Variants in GRAMD1B observed in about 807,000 individuals in gnomAD.
The protein encoded by GRAMD1B is GRAM domain containing 1B, also known as protein Aster-B.
A neutral mutation model predicts 99.7 loss-of-function variants in GRAMD1B; 37 were observed. The observed-to-expected ratio is 0.37, with a 90% CI of 0.29 to 0.49. The LOEUF (loss-of-function observed/expected upper bound fraction) is 0.49, where lower values mean the gene tolerates loss of function less well. Ranked by LOEUF, GRAMD1B falls within the 20% of genes least tolerant of loss-of-function variation. The probability of loss-of-function intolerance (pLI) is 0.98; values close to 1 mark genes in which losing one functional copy is unlikely to be tolerated. For missense variants in GRAMD1B, 888 were observed against 1,009.2 expected, an observed-to-expected ratio of 0.88 and a Z score of 1.63; for synonymous variants, 427 against 387.6, an observed-to-expected ratio of 1.10 and a Z score of -1.19.
At chr11:123,600,280 A>G (rs1269164516) in intron 7 of GRAMD1B, among the ~76,000 whole-genome samples, 188 bp from the exon 8 acceptor site, 4 of 152,326 alleles carry the variant, frequency 2.6e-5, no homozygotes, top group Non-Finnish European at 5.9e-5. Flanking sequence ...ACTTAACAGT[A>G]TCAGGTACCC....
In GRAMD1B at chr11:123,625,973, A is replaced by AGAGAGAGAGAGAGAGAGAGG. The variant is rs34697633; in HGVS notation, c.*3386_*3387insGAGAGAGAGAGGGAGAGAGA. 7.2e-6 allele frequency: 1 copy of AGAGAGAGAGAGAGAGAGAGG among 139,748 alleles called. No homozygotes were observed. Among genetic ancestry groups the AGAGAGAGAGAGAGAGAGAGG allele is most frequent in the African/African-American group, 2.6e-5 (1 of 38,420 alleles). The allele number at this position is 139,748 out of a possible 1,614,324, so 8.7% of individuals were successfully genotyped here. On this transcript the variant is annotated 3_prime_UTR_variant, in exon 20 of 20. Coordinates refer to ENST00000635736, the MANE Select transcript of GRAMD1B (RefSeq NM_001387025.1). ...GAGAGAGAGAGAGAGAGAGAGAGAGAGAGAGAGATCGAGCTTGATGTATTG... is the reference window on the plus strand; with the variant it reads ...GAGAGAGAGAGAGAGAGAGAGAGAGAGAGAGAGAGAGAGAGAGAGGGAGAGAGATCGAGCTTGATGTATTG...
chr11:123,560,372 G>A lies in GRAMD1B; in HGVS notation c.453-16995G>A, dbSNP rs530519398. ...GGCACGACCACACCAAATAACAGCA[G>A]CAGAGGGAGGTGGGGGAGAGGGAAA... On this transcript the variant is annotated intron_variant, in intron 2 of 19. Transcript: ENST00000635736. 2.2e-5 allele frequency: 26 copies of A among 1,176,564 alleles called. No homozygotes were observed. The East Asian group carries it at 1.5e-3, about 68-fold the overall frequency. 72.9% of individuals were successfully genotyped at this position (1,176,564 alleles called of 1,614,324 possible).
intron 1 of GRAMD1B, among the ~76,000 whole-genome samples, chr11:123,436,317 G>A (rs1189595019): frequency 1.3e-5 from 2 of 152,098 alleles, no homozygotes; most frequent in Non-Finnish European, 2.9e-5. Context: ...CTGATCTATA[G>A]AGAGCTGAGT....
intron 1 of GRAMD1B, among the ~76,000 whole-genome samples, chr11:123,383,623 G>A (rs562739968): frequency 7.2e-4 from 110 of 151,874 alleles, no homozygotes; most frequent in African/African-American, 2.5e-3. Context: ...CTTATACTTT[G>A]CTTCACGAAT....
At chr11:123,568,586 G>A (rs1350115933) in intron 2 of GRAMD1B, among the ~76,000 whole-genome samples, 1 of 152,208 alleles carries the variant, frequency 6.6e-6, no homozygotes, top group Non-Finnish European at 1.5e-5. Context: ...TGTCAGATCT[G>A]CAGATGGCAT....
chr11:123,548,323 T>TACAC (rs1288714416), intron 2 of GRAMD1B, among the ~76,000 whole-genome samples: 9 of 100,494 alleles, frequency 9.0e-5, no homozygotes, highest in East Asian at 3.6e-4. Flanking sequence ...TATATATATA[T>TACAC]ATACACACAC....
chr11:123,599,687 G>A (rs1201871562), intron 7 of GRAMD1B, among the ~76,000 whole-genome samples: 10 of 152,218 alleles, frequency 6.6e-5, no homozygotes, highest in Non-Finnish European at 1.2e-4. Context: ...TGGCCAGGCT[G>A]ATCTCGAACT....
intron 14 of GRAMD1B, among the ~76,000 whole-genome samples, chr11:123,611,375 A>C (rs900825055): frequency 6.6e-6 from 1 of 152,108 alleles, no homozygotes; most frequent in African/African-American, 2.4e-5. Context: ...TCAAGGCTGC[A>C]ATGAGCTATG....
intron 2 of GRAMD1B, among the ~76,000 whole-genome samples, chr11:123,521,436 C>A (rs1003555901): frequency 6.6e-6 from 1 of 152,172 alleles, no homozygotes; most frequent in African/African-American, 2.4e-5. Context: ...TGAACAATTC[C>A]TTTCTCAACC....
chr11:123,471,095 T>C (rs1295198219), intron 1 of GRAMD1B, among the ~76,000 whole-genome samples: 1 of 152,190 alleles, frequency 6.6e-6, no homozygotes, highest in Non-Finnish European at 1.5e-5. Flanking sequence ...TTCATAATAA[T>C]TGAAGCCTTG....
At position 123,608,780 on chromosome 11, in the gene GRAMD1B, C is replaced by T; in HGVS notation, c.1635C>T (p.Phe545=). The T allele has an allele frequency of 6.4e-7, 1 of 1,550,744 alleles. No individual in the cohort carries two copies. The highest frequency in any genetic ancestry group is 2.4e-5 in the East Asian group (1 of 40,922). ...LFTNSPFQRD[F]MEQRRFSDII... is the part of the protein sequence containing the mutation. Reference sequence around the variant, plus strand: ...CCAACTCGCCCTTCCAGCGGGATTTCATGGAGCAGCGGCGCTTCTCTGGTC... The same window carrying T: ...CCAACTCGCCCTTCCAGCGGGATTTTATGGAGCAGCGGCGCTTCTCTGGTC... Residue 545 remains phenylalanine (F), a synonymous_variant, in exon 12 of 20, where the codon TTC becomes TTT. Coordinates refer to ENST00000635736, the MANE Select transcript of GRAMD1B (RefSeq NM_001387025.1).
chr11:123,503,169 C>T (rs994600632), intron 2 of GRAMD1B, among the ~76,000 whole-genome samples: 1 of 152,194 alleles, frequency 6.6e-6, no homozygotes, highest in African/African-American at 2.4e-5. Context: ...CATTTGTGAA[C>T]AAGGGTACAG....
intron 1 of GRAMD1B, among the ~76,000 whole-genome samples, chr11:123,359,585 T>C (rs960623281): frequency 6.6e-6 from 1 of 152,020 alleles, no homozygotes; most frequent in African/African-American, 2.4e-5. Context: ...CAAGGTAACA[T>C]GAACAAACAG....
chr11:123,497,974 C>T (rs1939484416), intron 2 of GRAMD1B, among the ~76,000 whole-genome samples: 1 of 152,070 alleles, frequency 6.6e-6, no homozygotes, highest in African/African-American at 2.4e-5. Flanking sequence ...CCCACTCTTC[C>T]CTCCCCCTTC....
intron 1 of GRAMD1B, among the ~76,000 whole-genome samples, chr11:123,469,043 C>G (rs1950854672): frequency 6.6e-6 from 1 of 151,852 alleles, no homozygotes; most frequent in Non-Finnish European, 1.5e-5. Context: ...GACTTGAACT[C>G]AGGCAGTCCA....
chr11:123,514,929 C>T (rs576137485), intron 2 of GRAMD1B, among the ~76,000 whole-genome samples: 1 of 152,258 alleles, frequency 6.6e-6, no homozygotes, highest in African/African-American at 2.4e-5. Context: ...GAAACCCTGG[C>T]ACTTAGCATT....
At chr11:123,531,389 C>T (rs1005949335) in intron 2 of GRAMD1B, among the ~76,000 whole-genome samples, 2 of 148,670 alleles carry the variant, frequency 1.3e-5, no homozygotes, top group Non-Finnish European at 3.0e-5. Context: ...TTGAAGTAAG[C>T]AGCAATAAAC....
chr11:123,493,088 C>T (rs1006457654), intron 2 of GRAMD1B, among the ~76,000 whole-genome samples: 1 of 152,126 alleles, frequency 6.6e-6, no homozygotes, highest in Non-Finnish European at 1.5e-5. Context: ...AGTCTCTGAT[C>T]CTGTGATGTG....
rs1405181132 is a variant in GRAMD1B at position 123,595,957 on chromosome 11, A to G, written c.889A>G (p.Lys297Glu). 1.9e-6 allele frequency: 3 copies of G among 1,605,320 alleles called. No individual in the cohort carries two copies. In the Admixed American group the frequency reaches 5.1e-5, roughly 27 times the overall value. Residue 297 changes from lysine (K) to glutamate (E), a missense_variant, in exon 7 of 20, where the codon AAA becomes GAA. Physicochemically the swap from Lys to Glu is moderately conservative, Grantham distance 56 (BLOSUM62 1). This residue lies in a region of GRAMD1B where 62 missense variants were observed against 139.4 expected (regional missense o/e 0.44). Coordinates refer to ENST00000635736, the MANE Select transcript of GRAMD1B (RefSeq NM_001387025.1). ...TGGATGCCAGCTGACAGTCCGTTTGAAAGACATCTGTTCCATGACTAAAGA... is the reference window on the plus strand; with the variant it reads ...TGGATGCCAGCTGACAGTCCGTTTGGAAGACATCTGTTCCATGACTAAAGA... ...RWETLLTVRL[K>E]DICSMTKEKT...
Sources: allele counts gnomAD v4.1 joint callset (sites outside exome capture counted in the v4.1 genomes callset), GRCh38; gene constraint gnomAD v4.1.1; regional missense constraint gnomAD v4.1.1; transcripts MANE v1.5; gene names NCBI Gene and HGNC (gene_info 2026-07-23, HGNC 2026-07-21).